The following TBC1D5 variants were observed in gnomAD, a reference collection of about 807,000 sequenced individuals.
TBC1D5 encodes TBC1 domain family, member 5.
A neutral mutation model predicts 100.3 loss-of-function variants in TBC1D5; 75 were observed. The ratio of observed to expected loss-of-function variants is 0.75; its 90% CI spans 0.62 to 0.91. The LOEUF is 0.91. Among genes scored for constraint, TBC1D5 ranks in the 40% least tolerant of loss-of-function variants. The pLI, the probability that TBC1D5 is intolerant of heterozygous loss-of-function variation, is 0.00. For missense variants in TBC1D5, 910 were observed against 942.4 expected (o/e 0.97, Z 0.45); for synonymous variants, 323 against 325.6 (o/e 0.99, Z 0.09).
chr3:17,223,469 A>T (rs2074504378), intron 17 of TBC1D5, among the ~76,000 whole-genome samples: 2 of 152,204 alleles, frequency 1.3e-5, no homozygotes, highest in Admixed American at 1.3e-4. Flanking sequence ...TATGTATGAG[A>T]AAATGGAGGC....
chr3:17,566,240 A>T (rs756439058), intron 2 of TBC1D5, among the ~76,000 whole-genome samples: 1 of 152,072 alleles, frequency 6.6e-6, no homozygotes, highest in Non-Finnish European at 1.5e-5. Flanking sequence ...AACATGTGGA[A>T]TTATGCACTT....
intron 8 of TBC1D5, among the ~76,000 whole-genome samples, chr3:17,390,349 G>A (rs533712441): frequency 2.0e-5 from 3 of 152,246 alleles, no homozygotes; most frequent in Admixed American, 2.0e-4. Flanking sequence ...TATCTGTAAT[G>A]CAGGCAACAA....
intron 17 of TBC1D5, among the ~76,000 whole-genome samples, chr3:17,230,476 T>G (rs993706505): frequency 3.3e-5 from 5 of 152,140 alleles, no homozygotes; most frequent in Admixed American, 6.5e-5. Context: ...AAAATGGAGA[T>G]TCTCCCCTAC....
At chr3:17,482,020 C>T (rs1405879381) in intron 3 of TBC1D5, among the ~76,000 whole-genome samples, 6 of 152,210 alleles carry the variant, frequency 3.9e-5, no homozygotes, top group Non-Finnish European at 5.9e-5. Flanking sequence ...GGATTACAGG[C>T]ATGGGCCACC....
At chr3:17,645,339 T>C (rs1174021007) in intron 1 of TBC1D5, among the ~76,000 whole-genome samples, 1 of 152,114 alleles carries the variant, frequency 6.6e-6, no homozygotes, top group East Asian at 1.9e-4. Flanking sequence ...AAAGCAGTTA[T>C]AATTATAGCT....
intron 18 of TBC1D5, among the ~76,000 whole-genome samples, chr3:17,204,781 T>C (rs1420568713): frequency 6.6e-6 from 1 of 152,190 alleles, no homozygotes; most frequent in Non-Finnish European, 1.5e-5. Context: ...AAAAGTTGGT[T>C]GTAAAACCTG....
intron 13 of TBC1D5, among the ~76,000 whole-genome samples, chr3:17,335,899 T>C (rs1236325540): frequency 1.3e-5 from 2 of 152,122 alleles, no homozygotes; most frequent in Non-Finnish European, 1.5e-5. Flanking sequence ...AAATAAGTAT[T>C]GCAACAAAAT....
chr3:17,557,339 C>T (rs2096528808), intron 2 of TBC1D5, among the ~76,000 whole-genome samples: 1 of 152,170 alleles, frequency 6.6e-6, no homozygotes, highest in African/African-American at 2.4e-5. Flanking sequence ...CACACAATAG[C>T]TTACATAAAA....
At chr3:17,297,570 CT>C (rs1299233692) in intron 14 of TBC1D5, among the ~76,000 whole-genome samples, 1 of 124,320 alleles carries the variant, frequency 8.0e-6, no homozygotes, top group African/African-American at 3.2e-5. Flanking sequence ...AGCGAGACTC[CT>C]AAAAAAAAAA....
chr3:17,646,735 G>C (rs1193751633), intron 1 of TBC1D5, among the ~76,000 whole-genome samples: 2 of 152,062 alleles, frequency 1.3e-5, no homozygotes, highest in African/African-American at 4.8e-5. Flanking sequence ...ACTTTCAGTG[G>C]ATTACAGTTG....
chr3:17,181,404 T>C (rs899653125), intron 19 of TBC1D5, among the ~76,000 whole-genome samples: 1 of 152,212 alleles, frequency 6.6e-6, no homozygotes, highest in African/African-American at 2.4e-5. Context: ...AAAGATGAGA[T>C]GACTTGTGTT....
intron 13 of TBC1D5, among the ~76,000 whole-genome samples, chr3:17,347,359 T>C (rs1264665777): frequency 6.6e-6 from 1 of 152,208 alleles, no homozygotes; most frequent in Non-Finnish European, 1.5e-5. Context: ...TAATTCAAAA[T>C]AATCTAGTCT....
intron 1 of TBC1D5, among the ~76,000 whole-genome samples, chr3:17,650,380 T>C (rs1384471482): frequency 6.6e-6 from 1 of 152,100 alleles, no homozygotes; most frequent in East Asian, 1.9e-4. Flanking sequence ...TGGTCAGAAA[T>C]GGCTGGATTC....
chr3:17,600,383 T>C (rs1185022490), intron 2 of TBC1D5, among the ~76,000 whole-genome samples: 1 of 152,186 alleles, frequency 6.6e-6, no homozygotes, highest in Non-Finnish European at 1.5e-5. Context: ...AGTGTTTCAG[T>C]CTGTCTGCTA....
intron 3 of TBC1D5, among the ~76,000 whole-genome samples, chr3:17,454,832 C>G (rs2095019891): frequency 6.6e-6 from 1 of 151,890 alleles, no homozygotes; most frequent in East Asian, 1.9e-4. Flanking sequence ...ATCCCATTTA[C>G]AATAGCCACA....
intron 20 of TBC1D5, 105 bp from the exon 22 acceptor site, chr3:17,167,033 T>G (rs746673166): frequency 5.7e-6 from 6 of 1,057,224 alleles, no homozygotes; most frequent in Non-Finnish European, 7.8e-6. Context: ...ATCAATCATT[T>G]TTTATAGTAT....
intron 1 of TBC1D5, among the ~76,000 whole-genome samples, chr3:17,651,630 G>A (rs1188533517): frequency 6.6e-6 from 1 of 152,058 alleles, no homozygotes; most frequent in African/African-American, 2.4e-5. Context: ...TTGAACCAGG[G>A]AGGCAGAGGT....
intron 14 of TBC1D5, among the ~76,000 whole-genome samples, chr3:17,300,590 A>G (rs2082719107): frequency 6.6e-6 from 1 of 151,936 alleles, no homozygotes; most frequent in South Asian, 2.1e-4. Flanking sequence ...CCAGGCCAGG[A>G]AAGGCTAAAG....
In TBC1D5 at chr3:17,630,536, G is replaced by A. The variant is rs2063401401; in HGVS notation, c.-100-6623C>T. 2.0e-5 allele frequency among the ~76,000 whole-genome samples: 3 copies of A among 152,128 alleles called. No homozygotes were observed. In the South Asian group the frequency reaches 6.2e-4, roughly 32 times the overall value. On this transcript the variant is annotated intron_variant, in intron 1 of 21. Coordinates refer to ENST00000253692, the Ensembl canonical transcript of TBC1D5. ...AGCAGATAACTTAATCAATGAATGT[G>A]TTCTGACTGCTCCACAGATCAGCCA...
Sources: allele counts gnomAD v4.1 joint callset (sites outside exome capture counted in the v4.1 genomes callset), GRCh38; gene constraint gnomAD v4.1.1; transcripts MANE v1.5; gene names NCBI Gene and HGNC (gene_info 2026-07-23, HGNC 2026-07-21).